Variants in SSBP2 observed in about 807,000 individuals in gnomAD.
SSBP2 encodes single-stranded DNA-binding protein 2.
SSBP2 carries 17 observed loss-of-function variants against 61.8 expected under a neutral mutation model. That is an observed-to-expected ratio of 0.28 (90% CI 0.19 to 0.41). The LOEUF is 0.41. Ranked by LOEUF, SSBP2 falls within the 10% of genes least tolerant of loss-of-function variation. The pLI is 1.00. For missense variants in SSBP2, 310 were observed against 458.7 expected (o/e 0.68, Z 2.96); for synonymous variants, 139 against 141.3 (o/e 0.98, Z 0.12).
chr5:81,426,605 T>C (rs1188176883), intron 16 of SSBP2, among the ~76,000 whole-genome samples: 1 of 152,210 alleles, frequency 6.6e-6, no homozygotes, highest in East Asian at 1.9e-4. Flanking sequence ...CACAGAAGAA[T>C]CTGTTGTTTG....
At chr5:81,548,377 A>G (rs1379160866) in intron 4 of SSBP2, among the ~76,000 whole-genome samples, 1 of 152,136 alleles carries the variant, frequency 6.6e-6, no homozygotes, top group African/African-American at 2.4e-5. Context: ...GTATATGGGA[A>G]ACCTCTGAAC....
At chr5:81,528,344 A>C (rs2154101988) in intron 4 of SSBP2, among the ~76,000 whole-genome samples, 1 of 152,192 alleles carries the variant, frequency 6.6e-6, no homozygotes, top group East Asian at 1.9e-4. Flanking sequence ...AAACAAAGTG[A>C]CAGAAGTCAA....
chr5:81,573,692 T>G (rs1392504424), intron 4 of SSBP2, among the ~76,000 whole-genome samples: 5 of 152,182 alleles, frequency 3.3e-5, no homozygotes, highest in Admixed American at 3.3e-4. Flanking sequence ...TTATCTCTAT[T>G]ATCATGCATA....
Position 81,414,894 on chromosome 5 carries a change from T to G in SSBP2, c.*5610A>C, listed in dbSNP as rs545641268. ...AAAATAATGTGAATCACAGTGGGAG[T>G]GTTTTGTGAGCAAACTTCATATTAC... is the stretch of plus-strand genomic sequence containing the variant. On this transcript the variant is annotated 3_prime_UTR_variant, in exon 17 of 17. Coordinates refer to ENST00000320672, the MANE Select transcript of SSBP2 (RefSeq NM_012446.5). 6.6e-5 allele frequency: 10 copies of G among 152,270 alleles called. No homozygotes were observed. The highest frequency in any genetic ancestry group is 5.9e-4 in the Admixed American group (9 of 15,294). The allele number at this position is 152,270 out of a possible 1,614,324, so 9.4% of individuals were successfully genotyped here.
intron 7 of SSBP2, among the ~76,000 whole-genome samples, chr5:81,474,232 T>C (rs1765441686): frequency 1.3e-5 from 2 of 152,190 alleles, no homozygotes; most frequent in Admixed American, 6.5e-5. Flanking sequence ...ACTTGTTAGA[T>C]GTTATATAAA....
At chr5:81,589,244 T>C (rs1775312877) in intron 4 of SSBP2, among the ~76,000 whole-genome samples, 2 of 152,214 alleles carry the variant, frequency 1.3e-5, no homozygotes, top group African/African-American at 2.4e-5. Flanking sequence ...TTAAAAGACA[T>C]ATTTTGAGAT....
rs933529466 is a variant in SSBP2 at position 81,481,900 on chromosome 5, G to C, written c.433-7338C>G. On this transcript the variant is annotated intron_variant, in intron 6 of 16. Transcript: ENST00000320672. ...GTAAAAAAGATGCACTGTCATCCAG[G>C]CTTTGTTGTTCCATTTATAAAAGAC... is the stretch of plus-strand genomic sequence containing the variant. Among the ~76,000 whole-genome samples the C allele has an allele frequency of 2.6e-5, 4 of 151,904 alleles. No homozygotes were observed. In the South Asian group the frequency reaches 6.2e-4, roughly 24 times the overall value.
intron 12 of SSBP2, chr5:81,443,030 ATGTG>A (rs929176310): frequency 1.7e-5 from 3 of 175,002 alleles, no homozygotes; most frequent in East Asian, 1.6e-4. Flanking sequence ...AAGCAATTCT[ATGTG>A]TGTGTATGTG....
chr5:81,465,153 T>C (rs943275726), intron 9 of SSBP2, among the ~76,000 whole-genome samples: 4 of 151,990 alleles, frequency 2.6e-5, no homozygotes, highest in African/African-American at 9.7e-5. Flanking sequence ...TATAGGATCT[T>C]ACATAAAAGA....
chr5:81,425,734 A>C (rs938868577), intron 16 of SSBP2, among the ~76,000 whole-genome samples: 2 of 152,152 alleles, frequency 1.3e-5, no homozygotes, highest in Admixed American at 6.5e-5. Context: ...AAAAAAAAAA[A>C]ACCTCAGCAG....
intron 5 of SSBP2, among the ~76,000 whole-genome samples, chr5:81,512,512 T>C (rs1283590104): frequency 2.6e-5 from 4 of 152,180 alleles, no homozygotes; most frequent in Non-Finnish European, 4.4e-5. Flanking sequence ...TATTCCTAGA[T>C]TATAAGATAG....
In SSBP2 at chr5:81,732,776, A is replaced by G. The variant is rs573427105; in HGVS notation, c.62+18205T>C. Among the ~76,000 whole-genome samples the G allele has an allele frequency of 1.2e-4, 18 of 152,348 alleles. No individual in the cohort carries two copies. In the South Asian group the frequency reaches 3.7e-3, roughly 32 times the overall value. On this transcript the variant is annotated intron_variant, in intron 1 of 16. Transcript: ENST00000320672. ...GTGCAAGTGCACCTATAACAAAAGC[A>G]AAGTATCTTATACCCTTTCTAGTAA...
chr5:81,498,111 T>A (rs867306768), intron 5 of SSBP2, among the ~76,000 whole-genome samples: 6 of 152,160 alleles, frequency 3.9e-5, no homozygotes, highest in Middle Eastern at 6.3e-3. Flanking sequence ...TGAAATATTT[T>A]CTTTCCATTA....
chr5:81,473,881 AC>A, intron 7 of SSBP2, 111 bp from the exon 8 acceptor site: 1 of 950,246 alleles, frequency 1.1e-6, no homozygotes, highest in Non-Finnish European at 1.7e-6. Context: ...GAGTCTGAGT[AC>A]TGACACCATC....
chr5:81,431,921 C>T (rs1281390580), intron 15 of SSBP2, among the ~76,000 whole-genome samples: 1 of 152,166 alleles, frequency 6.6e-6, no homozygotes, highest in African/African-American at 2.4e-5. Context: ...ATTATCCCTT[C>T]TCCCATCCTC....
At chr5:81,561,042 T>C (rs1272323937) in intron 4 of SSBP2, among the ~76,000 whole-genome samples, 1 of 152,192 alleles carries the variant, frequency 6.6e-6, no homozygotes, top group Non-Finnish European at 1.5e-5. Flanking sequence ...GAGTTTCTCC[T>C]AGTACCAGAA....
intron 5 of SSBP2, among the ~76,000 whole-genome samples, chr5:81,498,779 C>T (rs1767479430): frequency 6.6e-6 from 1 of 151,922 alleles, no homozygotes; most frequent in Non-Finnish European, 1.5e-5. Context: ...AAGTCATGTG[C>T]TATCAATAAG....
chr5:81,455,625 CAA>C (rs537363119), intron 10 of SSBP2, among the ~76,000 whole-genome samples: 2 of 12,578 alleles, frequency 1.6e-4, no homozygotes, highest in Non-Finnish European at 2.1e-4. Flanking sequence ...GACTCCGTCT[CAA>C]AAAAAAAAAA....
intron 1 of SSBP2, among the ~76,000 whole-genome samples, chr5:81,694,433 A>G (rs771646429): frequency 2.0e-5 from 3 of 152,228 alleles, no homozygotes; most frequent in Non-Finnish European, 4.4e-5. Context: ...TCTCAAGTAT[A>G]TACACCTACT....
Sources: allele counts gnomAD v4.1 joint callset (sites outside exome capture counted in the v4.1 genomes callset), GRCh38; gene constraint gnomAD v4.1.1; transcripts MANE v1.5; gene names NCBI Gene and HGNC (gene_info 2026-07-23, HGNC 2026-07-21).